QRICH1: variants seen among roughly 807,000 people sequenced by gnomAD.
The protein encoded by QRICH1 is glutamine rich 1.
Under a neutral mutation model 87.1 loss-of-function variants are expected in QRICH1, and 16 were observed. The ratio of observed to expected loss-of-function variants is 0.18; its 90% CI spans 0.12 to 0.28. The LOEUF is 0.28. QRICH1 is among the 10% of genes least tolerant of loss of function. The pLI is 1.00. For missense variants in QRICH1, 647 were observed against 951.7 expected (o/e 0.68, Z 4.21); for synonymous variants, 367 against 368.4 (o/e 1.00, Z 0.05).
rs1377134128 is a variant in QRICH1, at chr3:49,057,892, T to G, written c.310-2A>C. On this transcript the variant is annotated splice_acceptor_variant, in intron 2 of 9. Transcript: ENST00000395443. LOFTEE classifies it high-confidence loss of function. This position sits in a 1 kb window ranked among gnomAD's most constrained non-coding sequence, Gnocchi z 5.4. ...AGACTGCTGTACCTGCACCTGGACC[T>G]GTAAGCAACAAGATTCATCAGTGAG... is the stretch of plus-strand genomic sequence containing the variant. 4.3e-6 allele frequency: 7 copies of G among 1,613,970 alleles called. No homozygotes were observed. Among genetic ancestry groups the G allele is most frequent in the Non-Finnish European group, 5.9e-6 (7 of 1,179,996 alleles).
intron 2 of QRICH1, among the ~76,000 whole-genome samples, chr3:49,061,425 T>C (rs560499333): frequency 6.6e-6 from 1 of 152,098 alleles, no homozygotes; most frequent in African/African-American, 2.4e-5. Flanking sequence ...GTCTTATTAT[T>C]ATGTCAGCAT....
At chr3:49,076,316 G>A (rs1275433953) in intron 2 of QRICH1, among the ~76,000 whole-genome samples, 5 of 152,236 alleles carry the variant, frequency 3.3e-5, no homozygotes, top group Non-Finnish European at 7.3e-5. Flanking sequence ...GTCACGTGCC[G>A]GGACCGGGTT....
chr3:49,043,195 T>G (rs1489026790), intron 6 of QRICH1, among the ~76,000 whole-genome samples: 4 of 152,042 alleles, frequency 2.6e-5, no homozygotes, highest in Non-Finnish European at 4.4e-5. Context: ...CTAAAAGTAC[T>G]CTAAAACATA....
intron 5 of QRICH1, among the ~76,000 whole-genome samples, chr3:49,045,268 C>T (rs1456208727): frequency 2.8e-5 from 4 of 141,130 alleles, no homozygotes; most frequent in Non-Finnish European, 6.0e-5. Flanking sequence ...AATAAATTAC[C>T]TTCATGAAAA....
chr3:49,085,097 C>T (rs908691153), intron 1 of QRICH1, among the ~76,000 whole-genome samples: 1 of 151,586 alleles, frequency 6.6e-6, no homozygotes. Flanking sequence ...GAGCCAAGAT[C>T]GTGCCACTGC....
chr3:49,067,976 CA>C (rs776793555), intron 2 of QRICH1, among the ~76,000 whole-genome samples: 172 of 151,394 alleles, frequency 1.1e-3, no homozygotes, highest in Non-Finnish European at 1.7e-3. Context: ...TGGAAACAAA[CA>C]AAAAAAACAA....
chr3:49,072,230 C>G (rs1277480358), intron 2 of QRICH1, among the ~76,000 whole-genome samples: 1 of 152,066 alleles, frequency 6.6e-6, no homozygotes, highest in Non-Finnish European at 1.5e-5. Flanking sequence ...TTGCAGTGAG[C>G]CAAAATAATG....
At chr3:49,043,979 GAACA>G (rs567329084) in intron 6 of QRICH1, among the ~76,000 whole-genome samples, 70 of 152,202 alleles carry the variant, frequency 4.6e-4, no homozygotes, top group South Asian at 1.0e-3. Flanking sequence ...GTTTTTTTAA[GAACA>G]AACAAAGAAA....
intron 9 of QRICH1, 129 bp downstream of exon 9, chr3:49,032,054 G>A (rs1053101696): frequency 2.7e-6 from 2 of 752,040 alleles, no homozygotes; most frequent in Admixed American, 5.0e-5. Flanking sequence ...TTAGCTTTCT[G>A]GAAGTGTTTT....
At chr3:49,067,696 A>G (rs2093476466) in intron 2 of QRICH1, among the ~76,000 whole-genome samples, 1 of 152,066 alleles carries the variant, frequency 6.6e-6, no homozygotes, top group Non-Finnish European at 1.5e-5. Context: ...GAATCTGGCA[A>G]AAGGCCAGGC....
rs146437193 is a variant in QRICH1, at chr3:49,074,429, A to G, written c.309+2280T>C. Reference sequence around the variant, plus strand: ...CTACTTAAAATACAAAAAATTAGCCAGGCATGGTGGCTGGCGCCTGTAGTC... The same window carrying G: ...CTACTTAAAATACAAAAAATTAGCCGGGCATGGTGGCTGGCGCCTGTAGTC... On this transcript the variant is annotated intron_variant, in intron 2 of 9. Coordinates refer to ENST00000395443, the MANE Select transcript of QRICH1 (RefSeq NM_198880.3). 8.8e-3 allele frequency among the ~76,000 whole-genome samples: 1,325 copies of G among 150,456 alleles called. 6 individuals carry two copies. The highest frequency in any genetic ancestry group is 0.028 in the Middle Eastern group (8 of 290).
Position 49,057,070 on chromosome 3 carries a change from T to C in QRICH1, c.1130A>G (p.Gln377Arg), listed in dbSNP as rs1355549770. The C allele has an allele frequency of 6.2e-7, 1 of 1,614,120 alleles. No homozygotes were observed. Among genetic ancestry groups the C allele is most frequent in the Non-Finnish European group, 8.5e-7 (1 of 1,180,036 alleles). ...TGGAAAGAGAGAGTTTGCAAGGGTC[T>C]GCACTACCTCTTCATGGGAGTTTTT... is the stretch of plus-strand genomic sequence containing the variant. ...VVKNSHEEVV[Q>R]TLANSLFPAQ... is the part of the protein sequence containing the mutation. Residue 377 changes from glutamine (Q) to arginine (R), a missense_variant, in exon 3 of 10, where the codon CAG becomes CGG. Physicochemically the swap from Gln to Arg is conservative, Grantham distance 43 (BLOSUM62 1). This residue lies in a region of QRICH1 where 115 missense variants were observed against 126.8 expected (regional missense o/e 0.91). Coordinates refer to ENST00000395443, the MANE Select transcript of QRICH1 (RefSeq NM_198880.3). This position sits in a 1 kb window ranked among gnomAD's most constrained non-coding sequence, Gnocchi z 5.4.
intron 2 of QRICH1, among the ~76,000 whole-genome samples, chr3:49,069,215 G>T (rs1559946150): frequency 6.7e-6 from 1 of 149,522 alleles, no homozygotes; most frequent in Admixed American, 6.8e-5. Flanking sequence ...GCAATTCTCT[G>T]CCTCAGCCTC....
intron 1 of QRICH1, among the ~76,000 whole-genome samples, chr3:49,088,216 G>A (rs1457777935): frequency 1.3e-5 from 2 of 152,062 alleles, no homozygotes; most frequent in Admixed American, 1.3e-4. Flanking sequence ...GCCTCCCAAA[G>A]TGGTGGGATT....
Position 49,047,609 on chromosome 3 carries a change from G to A in QRICH1, c.1339-363C>T, listed in dbSNP as rs151068208. On this transcript the variant is annotated intron_variant, in intron 3 of 9. Coordinates refer to ENST00000395443, the MANE Select transcript of QRICH1 (RefSeq NM_198880.3). Reference sequence around the variant, plus strand: ...AGTGAGTCTCCTGTCTCAGCCTCCCGAGTACCTGGGTTTACAGGCATGCAC... The same window carrying A: ...AGTGAGTCTCCTGTCTCAGCCTCCCAAGTACCTGGGTTTACAGGCATGCAC... Among the ~76,000 whole-genome samples the A allele has an allele frequency of 9.9e-4, 146 of 148,016 alleles. 1 individual carries two copies. The highest frequency in any genetic ancestry group is 3.6e-3 in the Middle Eastern group (1 of 280).
At chr3:49,033,826 A>AAT (rs1464972593) in intron 6 of QRICH1, 1 of 152,118 alleles carries the variant, frequency 6.6e-6, no homozygotes, top group Non-Finnish European at 1.5e-5. Context: ...GTCTCTACTA[A>AAT]AAACACAAAA....
At chr3:49,056,270 G>A (rs1487110971) in intron 3 of QRICH1, among the ~76,000 whole-genome samples, 5 of 152,128 alleles carry the variant, frequency 3.3e-5, no homozygotes, top group Admixed American at 6.6e-5. Flanking sequence ...CACCTCGCCC[G>A]GCCGCCCCCG....
intron 2 of QRICH1, among the ~76,000 whole-genome samples, chr3:49,059,425 T>TC (rs1472168740): frequency 7.0e-6 from 1 of 143,866 alleles, no homozygotes; most frequent in African/African-American, 2.5e-5. Context: ...CCCAGCTAAT[T>TC]TTTTTTTTTT....
Position 49,056,843 on chromosome 3 carries a change from CT to C in QRICH1, c.1338+18del. The C allele has an allele frequency of 6.2e-7, 1 of 1,614,190 alleles. No homozygotes were observed. Among genetic ancestry groups the C allele is most frequent in the Non-Finnish European group, 8.5e-7 (1 of 1,180,034 alleles). On this transcript the variant is annotated intron_variant, in intron 3 of 9. Coordinates refer to ENST00000395443, the MANE Select transcript of QRICH1 (RefSeq NM_198880.3). ...CTGAGGGACCAGGCTGCCTGCCCTA[CT>C]GATAAGTCTTCACTTACTGAACAAG...
Sources: allele counts gnomAD v4.1 joint callset (sites outside exome capture counted in the v4.1 genomes callset), GRCh38; gene constraint gnomAD v4.1.1; regional missense constraint gnomAD v4.1.1; non-coding constraint Gnocchi (gnomAD v3.1); transcripts MANE v1.5; gene names NCBI Gene and HGNC (gene_info 2026-07-23, HGNC 2026-07-21).